The following SLC8A1 variants were observed in gnomAD, a reference collection of about 807,000 sequenced individuals.
SLC8A1 encodes the protein sodium/calcium exchanger 1.
SLC8A1 carries 18 observed loss-of-function variants against 68.3 expected under a neutral mutation model. The ratio of observed to expected loss-of-function variants is 0.26; its 90% CI spans 0.18 to 0.39. The LOEUF is 0.39. Among genes scored for constraint, SLC8A1 ranks in the 10% least tolerant of loss-of-function variants. The probability of loss-of-function intolerance (pLI) is 1.00; values close to 1 mark genes in which losing one functional copy is unlikely to be tolerated. For missense variants in SLC8A1, 985 were observed against 1,156.7 expected (o/e 0.85, Z 2.15); for synonymous variants, 475 against 415.5 (o/e 1.14, Z -1.74).
intron 2 of SLC8A1, among the ~76,000 whole-genome samples, chr2:40,418,003 G>A (rs533254121): frequency 6.6e-6 from 1 of 152,138 alleles, no homozygotes; most frequent in Admixed American, 6.5e-5. Context: ...ATTGATCATA[G>A]AATTAATAAC....
chr2:40,368,674 C>A (rs771620945), intron 2 of SLC8A1, among the ~76,000 whole-genome samples: 2 of 151,902 alleles, frequency 1.3e-5, no homozygotes, highest in Non-Finnish European at 2.9e-5. Context: ...GTTTGTTGTA[C>A]AGATTATTTG....
At chr2:40,267,632 G>C (rs902740503) in intron 2 of SLC8A1, among the ~76,000 whole-genome samples, 1 of 152,158 alleles carries the variant, frequency 6.6e-6, no homozygotes, top group Non-Finnish European at 1.5e-5. Context: ...TGGAATGAAT[G>C]AATGAATGGG....
exon 2 of SLC8A1, chr2:40,430,247 T>C: frequency 6.2e-7 from 1 of 1,613,108 alleles, no homozygotes; most frequent in Non-Finnish European, 8.5e-7. Flanking sequence ...ATTGAAAAGG[T>C]GGGTGAAAGA....
chr2:40,127,231 A>G (rs2038305611), intron 7 of SLC8A1, among the ~76,000 whole-genome samples: 2 of 152,310 alleles, frequency 1.3e-5, no homozygotes, highest in African/African-American at 4.8e-5. Context: ...TATAGATGAG[A>G]GAGCTTAATC....
intron 1 of SLC8A1, among the ~76,000 whole-genome samples, chr2:40,434,904 T>A (rs80203716): frequency 0.02 from 3,033 of 152,210 alleles, 57 homozygotes; most frequent in African/African-American, 0.04. Context: ...AACCCACATC[T>A]ACAAGAGATA....
rs114572892 is a variant in SLC8A1 at position 40,394,135 on chromosome 2, G to T, written c.1808+34338C>A. On this transcript the variant is annotated intron_variant, in intron 2 of 7. Coordinates refer to ENST00000406785, the Ensembl canonical transcript of SLC8A1. Reference sequence around the variant, plus strand: ...GCCCCCCACAAAGAAGAATGACCTGGGCTAAAATGTCAACGGAGCTTAAAA... The same window carrying T: ...GCCCCCCACAAAGAAGAATGACCTGTGCTAAAATGTCAACGGAGCTTAAAA... 7.8e-3 allele frequency among the ~76,000 whole-genome samples: 1,184 copies of T among 152,078 alleles called. 3 individuals are homozygous for T. Among genetic ancestry groups the T allele is most frequent in the Non-Finnish European group, 0.013 (854 of 67,994 alleles).
chr2:40,268,560 C>T (rs1399567650), intron 2 of SLC8A1, among the ~76,000 whole-genome samples: 1 of 152,168 alleles, frequency 6.6e-6, no homozygotes, highest in Non-Finnish European at 1.5e-5. Context: ...GTGGATAATT[C>T]TCTATATTCC....
intron 6 of SLC8A1, among the ~76,000 whole-genome samples, chr2:40,145,933 AC>A (rs2042380230): frequency 6.6e-6 from 1 of 151,602 alleles, no homozygotes; most frequent in African/African-American, 2.4e-5. Context: ...AAATTCAGTA[AC>A]CCAAAGATTT....
intron 7 of SLC8A1, among the ~76,000 whole-genome samples, chr2:40,122,877 C>A (rs1033950901): frequency 1.3e-5 from 2 of 152,016 alleles, no homozygotes; most frequent in African/African-American, 2.4e-5. Flanking sequence ...TATGGAGGTG[C>A]CCCGGGCTTA....
intron 1 of SLC8A1, among the ~76,000 whole-genome samples, chr2:40,465,639 T>C (rs1703625927): frequency 6.6e-6 from 1 of 152,176 alleles, no homozygotes; most frequent in South Asian, 2.1e-4. Context: ...TTGTATATTA[T>C]AGTTAGGTCA....
chr2:40,164,844 G>T lies in SLC8A1; in HGVS notation c.2061+10C>A, dbSNP rs775124342. On this transcript the variant is annotated intron_variant, in intron 5 of 7. Transcript: ENST00000406785. ...GACTGGCTCCTGGTGGGCAGTGTTG[G>T]TGAGCATACCTTGAATTCATAGGAT... 6.2e-7 allele frequency: 1 copy of T among 1,613,326 alleles called. No homozygotes were observed. Among genetic ancestry groups the T allele is most frequent in the Non-Finnish European group, 8.5e-7 (1 of 1,179,696 alleles).
intron 2 of SLC8A1, among the ~76,000 whole-genome samples, chr2:40,266,125 A>G (rs1459932567): frequency 1.3e-5 from 2 of 152,210 alleles, no homozygotes; most frequent in Non-Finnish European, 2.9e-5. Flanking sequence ...ATTGGTGCAC[A>G]TAGCTTACTT....
chr2:40,452,938 C>A (rs114758659), upstream of SLC8A1, among the ~76,000 whole-genome samples: 1,156 of 152,180 alleles, frequency 7.6e-3, 15 homozygotes, highest in African/African-American at 0.027. Context: ...TGGGAAAAAA[C>A]CTAATGCAGC....
intron 2 of SLC8A1, among the ~76,000 whole-genome samples, chr2:40,377,988 G>C (rs1680468532): frequency 6.6e-6 from 1 of 152,074 alleles, no homozygotes; most frequent in Non-Finnish European, 1.5e-5. Context: ...AGGTTTTAAA[G>C]AAAATTATCC....
intron 7 of SLC8A1, among the ~76,000 whole-genome samples, chr2:40,121,830 A>C (rs1225582671): frequency 1.3e-5 from 2 of 152,184 alleles, no homozygotes; most frequent in Non-Finnish European, 2.9e-5. Flanking sequence ...AAAAATTATT[A>C]ATTTGACAAT....
At chr2:40,243,058 C>T (rs2061415471) in intron 2 of SLC8A1, among the ~76,000 whole-genome samples, 1 of 152,166 alleles carries the variant, frequency 6.6e-6, no homozygotes, top group African/African-American at 2.4e-5. Flanking sequence ...ACTGAATGTC[C>T]AGTAAAAGCA....
At chr2:40,355,287 G>A (rs1186182180) in intron 2 of SLC8A1, among the ~76,000 whole-genome samples, 4 of 152,140 alleles carry the variant, frequency 2.6e-5, no homozygotes, top group Non-Finnish European at 4.4e-5. Context: ...ACAACAACAT[G>A]CATGATATTC....
intron 2 of SLC8A1, among the ~76,000 whole-genome samples, chr2:40,194,585 G>T (rs772872502): frequency 2.6e-5 from 4 of 151,740 alleles, no homozygotes; most frequent in Non-Finnish European, 5.9e-5. Context: ...TGAGTTTTAT[G>T]ATAAGAAATA....
intron 2 of SLC8A1, among the ~76,000 whole-genome samples, chr2:40,261,632 T>A (rs1354984388): frequency 6.6e-6 from 1 of 152,172 alleles, no homozygotes; most frequent in African/African-American, 2.4e-5. Flanking sequence ...AGCCATTCAG[T>A]GGAGAAAGAG....
Sources: gnomAD v4.1 joint callset for allele counts (sites outside exome capture counted in the v4.1 genomes callset) on GRCh38, gnomAD v4.1.1 for gene constraint, MANE v1.5 for transcripts, NCBI Gene and HGNC (gene_info 2026-07-23, HGNC 2026-07-21) for gene names.